GPHN: variants seen among roughly 807,000 people sequenced by gnomAD.
GPHN encodes the protein gephyrin.
GPHN carries 17 observed loss-of-function variants against 95.5 expected under a neutral mutation model. That is an observed-to-expected ratio of 0.18 (90% confidence interval 0.12 to 0.27). The LOEUF (loss-of-function observed/expected upper bound fraction) is 0.27, where lower values mean the gene tolerates loss of function less well. Ranked by LOEUF, GPHN falls within the 10% of genes least tolerant of loss-of-function variation. The pLI is 1.00. For synonymous variants in GPHN, 320 were observed against 322.5 expected, an observed-to-expected ratio of 0.99 and a Z score of 0.08; for missense variants, 660 against 978.1, an observed-to-expected ratio of 0.67 and a Z score of 4.34.
intron 11 of GPHN, among the ~76,000 whole-genome samples, chr14:67,073,636 A>G (rs1484407361): frequency 2.0e-5 from 3 of 152,168 alleles, no homozygotes; most frequent in Non-Finnish European, 2.9e-5. Flanking sequence ...TAACTAATTC[A>G]TTACCAATTC....
chr14:67,199,737 C>T, the GPHN span: 1 of 1,571,806 alleles, frequency 6.4e-7, no homozygotes, highest in Non-Finnish European at 8.7e-7. Context: ...CCTGTGGTAT[C>T]ATCATTGGGG....
chr14:67,015,335 A>G lies in GPHN; in HGVS notation c.964-8298A>G, dbSNP rs141425131. On this transcript the variant is annotated intron_variant, in intron 9 of 22. Coordinates refer to ENST00000478722, the MANE Select transcript of GPHN (RefSeq NM_020806.5). ...ATTTAAGAATGGTCACCTGGAAAAG[A>G]TTTATAAAATTGTTTTGCTTATAAA... Among the ~76,000 whole-genome samples the G allele has an allele frequency of 1.2e-4, 18 of 152,334 alleles. No individual in the cohort carries two copies. The East Asian group carries it at 1.7e-3, about 15-fold the overall frequency.
chr14:66,631,230 A>G (rs946000490), intron 1 of GPHN, among the ~76,000 whole-genome samples: 12 of 151,570 alleles, frequency 7.9e-5, no homozygotes, highest in African/African-American at 2.2e-4. Flanking sequence ...TGTATTTTCA[A>G]TAGAGACGAG....
At chr14:67,194,174 G>A in the GPHN span, among the ~76,000 whole-genome samples, 7 of 151,780 alleles carry the variant, frequency 4.6e-5, no homozygotes, top group African/African-American at 1.4e-4. Context: ...ACCAGCCTGG[G>A]CAACATGGTG....
At chr14:67,508,625 A>C in the GPHN span, among the ~76,000 whole-genome samples, 1 of 151,862 alleles carries the variant, frequency 6.6e-6, no homozygotes, top group Non-Finnish European at 1.5e-5. Context: ...CTGCACCTGT[A>C]GTCCCAGCTA....
chr14:66,993,178 G>A (rs1310041632), intron 9 of GPHN, among the ~76,000 whole-genome samples: 1 of 151,968 alleles, frequency 6.6e-6, no homozygotes, highest in Non-Finnish European at 1.5e-5. Context: ...TCCTCAAATT[G>A]TCTACCTTTA....
intron 2 of GPHN, among the ~76,000 whole-genome samples, chr14:66,730,830 T>C (rs10142894): frequency 0.34 from 51,929 of 152,094 alleles, 13,396 homozygotes; most frequent in African/African-American, 0.7. Flanking sequence ...ATGTTTTCTG[T>C]GTCAGACACT....
chr14:67,340,603 T>C, the GPHN span: 106 of 1,146,922 alleles, frequency 9.2e-5, 1 homozygote, highest in South Asian at 1.3e-3. Flanking sequence ...AACAGTTATT[T>C]TTTCCTAATT....
intron 1 of GPHN, among the ~76,000 whole-genome samples, chr14:66,638,455 G>GACA (rs199574589): frequency 3.3e-5 from 5 of 151,886 alleles, no homozygotes; most frequent in Non-Finnish European, 7.4e-5. Flanking sequence ...GAACAACAAC[G>GACA]ACAACAACAA....
intron 4 of GPHN, 83 bp from the exon 5 acceptor site, chr14:66,879,856 C>A (rs2063847449): frequency 1.2e-5 from 10 of 858,318 alleles, no homozygotes; most frequent in Middle Eastern, 4.3e-4. Flanking sequence ...GGTTTATAAT[C>A]ATTTTTAAGT....
the GPHN span, among the ~76,000 whole-genome samples, chr14:67,207,805 G>A: frequency 6.6e-6 from 1 of 152,128 alleles, no homozygotes; most frequent in Non-Finnish European, 1.5e-5. Context: ...TTTATATTAT[G>A]AGCCCCCAGC....
the GPHN span, among the ~76,000 whole-genome samples, chr14:67,203,514 CA>C: frequency 6.6e-6 from 1 of 152,186 alleles, no homozygotes; most frequent in African/African-American, 2.4e-5. Flanking sequence ...ATCTAATTAA[CA>C]GGAACTGAAG....
the GPHN span, among the ~76,000 whole-genome samples, chr14:67,275,094 A>C: frequency 6.6e-6 from 1 of 152,124 alleles, no homozygotes; most frequent in African/African-American, 2.4e-5. Flanking sequence ...CTCTTTTCCT[A>C]ATTGAATACC....
the GPHN span, among the ~76,000 whole-genome samples, chr14:67,732,681 A>T: frequency 6.6e-6 from 1 of 152,012 alleles, no homozygotes; most frequent in African/African-American, 2.4e-5. Flanking sequence ...GGTTCAAGCC[A>T]TTCTCCTGCA....
At chr14:66,563,367 G>A (rs556932795) in intron 1 of GPHN, among the ~76,000 whole-genome samples, 4 of 152,094 alleles carry the variant, frequency 2.6e-5, no homozygotes, top group Admixed American at 6.5e-5. Context: ...TTTTTGATAG[G>A]TCTACTGGTC....
the GPHN span, among the ~76,000 whole-genome samples, chr14:67,524,552 A>G: frequency 1.3e-5 from 2 of 152,158 alleles, no homozygotes; most frequent in Non-Finnish European, 2.9e-5. Context: ...CCAATGGACC[A>G]CACCCAGCTA....
intron 1 of GPHN, among the ~76,000 whole-genome samples, chr14:66,668,555 C>A (rs1036919420): frequency 2.0e-5 from 3 of 152,104 alleles, no homozygotes; most frequent in Non-Finnish European, 4.4e-5. Flanking sequence ...ATTACATGTT[C>A]TTACTTAGGA....
At chr14:67,717,666 G>A in the GPHN span, 1 of 152,260 alleles carries the variant, frequency 6.6e-6, no homozygotes, top group African/African-American at 2.4e-5. Context: ...TTGTCACAAG[G>A]GGATAGTAGT....
chr14:67,295,156 A>G, the GPHN span, among the ~76,000 whole-genome samples: 3 of 151,056 alleles, frequency 2.0e-5, no homozygotes, highest in African/African-American at 4.9e-5. Context: ...AAACTTGTCT[A>G]TGAAATATAT....
Sources: gnomAD v4.1 joint callset for allele counts (sites outside exome capture counted in the v4.1 genomes callset) on GRCh38, gnomAD v4.1.1 for gene constraint, MANE v1.5 for transcripts, NCBI Gene and HGNC (gene_info 2026-07-23, HGNC 2026-07-21) for gene names.